The following TIMD4 variants were observed in gnomAD, a reference collection of about 807,000 sequenced individuals.
TIMD4 encodes T cell immunoglobulin and mucin domain containing 4, also known as T-cell immunoglobulin and mucin domain-containing protein 4.
A neutral mutation model predicts 41.2 loss-of-function variants in TIMD4; 31 were observed. The ratio of observed to expected loss-of-function variants is 0.75; its 90% CI spans 0.57 to 1.01. The LOEUF is 1.01. Ranked by LOEUF, TIMD4 falls within the 50% of genes least tolerant of loss-of-function variation. The probability of loss-of-function intolerance (pLI) is 0.00; values close to 1 mark genes in which losing one functional copy is unlikely to be tolerated. For synonymous variants in TIMD4, 204 were observed against 177.1 expected, an observed-to-expected ratio of 1.15 and a Z score of -1.21; for missense variants, 479 against 472.5, an observed-to-expected ratio of 1.01 and a Z score of -0.13.
chr5:156,948,404 C>T lies in TIMD4; in HGVS notation c.844+12G>A. 7.3e-7 allele frequency: 1 copy of T among 1,371,734 alleles called. No homozygotes were observed. The highest frequency in any genetic ancestry group is 9.4e-7 in the Non-Finnish European group (1 of 1,059,028). The allele number at this position is 1,371,734 out of a possible 1,614,324, so 85.0% of individuals were successfully genotyped here. A position where few individuals can be genotyped will look rare whatever the true frequency, so the allele number is the denominator to read the frequency against. Reference sequence around the variant, plus strand: ...AAGTAAAATAAAATAAAAAAAATCACAGCCCCCCTACCTCCAGGCTGAGGA... The same window carrying T: ...AAGTAAAATAAAATAAAAAAAATCATAGCCCCCCTACCTCCAGGCTGAGGA... On this transcript the variant is annotated intron_variant, in intron 5 of 8. Coordinates refer to ENST00000274532, the MANE Select transcript of TIMD4 (RefSeq NM_138379.3).
intron 7 of TIMD4, among the ~76,000 whole-genome samples, chr5:156,921,402 C>T (rs1386433014): frequency 6.6e-6 from 1 of 151,828 alleles, no homozygotes; most frequent in East Asian, 1.9e-4. Context: ...GGGTGGATCA[C>T]CTGAGGTCAG....
At position 156,954,494 on chromosome 5, in the gene TIMD4, G is replaced by A. The variant is rs367759946; in HGVS notation, c.321C>T (p.Ser107=). ...CTTCTATGCGGCAGCAGTACACACC[G>A]CTGTCACTTTCACTGGGGTTTAAGA... The part of the protein sequence containing the change: ...LTILNPSESD[S]GVYCCRIEVP... The change falls in exon 2 of 9, where the codon AGC becomes AGT. Residue 107 remains serine (S), a synonymous_variant. Transcript: ENST00000274532. The A allele has an allele frequency of 4.5e-5, 72 of 1,614,232 alleles. No individual in the cohort carries two copies. In the African/African-American group the frequency reaches 8.9e-4, roughly 20 times the overall value.
At chr5:156,947,142 G>A (rs778921480) in intron 5 of TIMD4, among the ~76,000 whole-genome samples, 1 of 152,000 alleles carries the variant, frequency 6.6e-6, no homozygotes, top group Non-Finnish European at 1.5e-5. Context: ...AGGTTGCAGT[G>A]AGCGGAGATC....
rs777862189 is a variant in TIMD4, at chr5:156,951,764, TTGCTGTTCTG to T, written c.417_426del (p.His139GlnfsTer19). On this transcript the variant is annotated frameshift_variant, in exon 3 of 9. Transcript: ENST00000274532. LOFTEE classifies it high-confidence loss of function. Reference sequence around the variant, plus strand: ...GTTGTTGTTCTGCGTGTGGTGGTGGTTGCTGTTCTGTGCGTGGTTGTTGAGGCTGTAACCA... The same window carrying T: ...GTTGTTGTTCTGCGTGTGGTGGTGGTTGCGTGGTTGTTGAGGCTGTAACCA... 2 of 1,614,030 alleles carry T rather than the reference TTGCTGTTCTG, an allele frequency of 1.2e-6. No individual in the cohort carries two copies. The highest frequency in any genetic ancestry group is 1.7e-6 in the Non-Finnish European group (2 of 1,180,006).
chr5:156,932,277 G>A (rs1384841998), intron 5 of TIMD4, among the ~76,000 whole-genome samples: 2 of 152,104 alleles, frequency 1.3e-5, no homozygotes, highest in Non-Finnish European at 2.9e-5. Context: ...GTTCATCACT[G>A]GAAACTCCAC....
intron 5 of TIMD4, chr5:156,935,655 G>T (rs868864900): frequency 6.6e-6 from 1 of 152,162 alleles, no homozygotes; most frequent in African/African-American, 2.4e-5. Context: ...TAGATAGAAG[G>T]AAACCAGGGA....
intron 5 of TIMD4, among the ~76,000 whole-genome samples, chr5:156,941,726 A>G (rs1759655362): frequency 6.6e-6 from 1 of 152,218 alleles, no homozygotes; most frequent in Non-Finnish European, 1.5e-5. Context: ...CCATCCCACT[A>G]AAGTGTGATC....
chr5:156,941,112 G>A (rs1759643537), intron 5 of TIMD4, among the ~76,000 whole-genome samples: 1 of 152,046 alleles, frequency 6.6e-6, no homozygotes, highest in Non-Finnish European at 1.5e-5. Flanking sequence ...GATGCTTGAA[G>A]GCAGCATGCT....
chr5:156,961,997 C>T (rs1017875753), intron 1 of TIMD4, among the ~76,000 whole-genome samples: 1 of 151,820 alleles, frequency 6.6e-6, no homozygotes, highest in African/African-American at 2.4e-5. Context: ...ATTGCATGTT[C>T]CCACTCATAC....
intron 5 of TIMD4, among the ~76,000 whole-genome samples, chr5:156,926,522 A>C (rs1759351207): frequency 6.6e-6 from 1 of 152,234 alleles, no homozygotes; most frequent in Non-Finnish European, 1.5e-5. Flanking sequence ...ATCCCTGGGA[A>C]CATCACCATT....
chr5:156,951,601 C>T lies in TIMD4; in HGVS notation c.590G>A (p.Cys197Tyr). The change falls in exon 3 of 9, where the codon TGC (cysteine) becomes TAC (tyrosine). Residue 197 changes from cysteine to tyrosine, a missense_variant. Transcript: ENST00000274532. ...AAGGGTGCTTGGGGTTAGTGAAAGG[C>T]ACGTGTTTGCTGTTGTGAAGACGGC... is the stretch of plus-strand genomic sequence containing the variant. ...TIAVFTTANT[C>Y]LSLTPSTLPE... 2 of 1,614,122 alleles carry T rather than the reference C, an allele frequency of 1.2e-6. No individual in the cohort carries two copies. Among genetic ancestry groups the T allele is most frequent in the Non-Finnish European group, 1.7e-6 (2 of 1,180,030 alleles).
At chr5:156,920,970 A>T (rs1476325464) in intron 7 of TIMD4, among the ~76,000 whole-genome samples, 6 of 152,222 alleles carry the variant, frequency 3.9e-5, no homozygotes, top group Admixed American at 2.6e-4. Context: ...TACTAGTCTC[A>T]TCTCCTGACA....
chr5:156,922,880 T>C (rs1038382065), intron 6 of TIMD4, among the ~76,000 whole-genome samples: 44 of 152,340 alleles, frequency 2.9e-4, no homozygotes, highest in Middle Eastern at 3.4e-3. Context: ...TTCATTCATT[T>C]TTCTCACTAA....
intron 5 of TIMD4, among the ~76,000 whole-genome samples, chr5:156,928,505 C>A (rs1159621192): frequency 6.6e-6 from 1 of 152,058 alleles, no homozygotes; most frequent in African/African-American, 2.4e-5. Context: ...GTCATATGTA[C>A]AATAAAGTCT....
At chr5:156,949,893 C>T (rs1397559840) in intron 3 of TIMD4, among the ~76,000 whole-genome samples, 162 bp from the exon 4 acceptor site, 1 of 152,208 alleles carries the variant, frequency 6.6e-6, no homozygotes, top group African/African-American at 2.4e-5. Flanking sequence ...TCTCTGCTCA[C>T]TTCTGTCTCC....
intron 4 of TIMD4, among the ~76,000 whole-genome samples, chr5:156,949,273 A>G (rs762423599): frequency 3.3e-5 from 5 of 152,242 alleles, no homozygotes; most frequent in African/African-American, 9.6e-5. Flanking sequence ...AGCAGTCTCA[A>G]CAAAGAAGAT....
At chr5:156,936,915 G>A (rs1474122769) in intron 5 of TIMD4, among the ~76,000 whole-genome samples, 1 of 138,336 alleles carries the variant, frequency 7.2e-6, no homozygotes, top group Non-Finnish European at 1.5e-5. Flanking sequence ...CTGGGTAAGA[G>A]AGCGAGACTC....
chr5:156,922,257 A>G, intron 6 of TIMD4, 41 bp from the exon 7 acceptor site: 1 of 1,470,096 alleles, frequency 6.8e-7, no homozygotes. Context: ...AGTCACTGCT[A>G]GATGCCACCC....
intron 5 of TIMD4, among the ~76,000 whole-genome samples, chr5:156,943,488 T>C (rs534791038): frequency 2.6e-5 from 4 of 152,260 alleles, no homozygotes; most frequent in Admixed American, 2.6e-4. Context: ...ACTCAACTCT[T>C]TCAACTCCCA....
Sources: gnomAD v4.1 joint callset for allele counts (sites outside exome capture counted in the v4.1 genomes callset) on GRCh38, gnomAD v4.1.1 for gene constraint, MANE v1.5 for transcripts, NCBI Gene and HGNC (gene_info 2026-07-23, HGNC 2026-07-21) for gene names.